The following TARS1 variants were observed in gnomAD, a reference collection of about 807,000 sequenced individuals.
TARS1 encodes threonine--tRNA ligase 1, cytoplasmic.
Under a neutral mutation model 97.7 loss-of-function variants are expected in TARS1, and 57 were observed. The observed-to-expected ratio is 0.58, with a 90% CI of 0.47 to 0.73. TARS1 has a LOEUF of 0.73. Ranked by LOEUF, TARS1 falls within the 30% of genes least tolerant of loss-of-function variation. The probability of loss-of-function intolerance (pLI) is 0.00; values close to 1 mark genes in which losing one functional copy is unlikely to be tolerated. For synonymous variants in TARS1, 312 were observed against 293.7 expected, an observed-to-expected ratio of 1.06 and a Z score of -0.64; for missense variants, 806 against 888.3, an observed-to-expected ratio of 0.91 and a Z score of 1.18.
intron 3 of TARS1, among the ~76,000 whole-genome samples, chr5:33,451,697 A>T (rs1741746482): frequency 1.3e-5 from 2 of 152,164 alleles, no homozygotes; most frequent in African/African-American, 4.8e-5. Context: ...CTTAAAGATT[A>T]TTTTACCCTT....
Position 33,462,158 on chromosome 5 carries a change from TG to T in TARS1, c.1792del (p.Glu598LysfsTer3). On this transcript the variant is annotated frameshift_variant, in exon 16 of 19. Transcript: ENST00000265112. LOFTEE classifies it high-confidence loss of function. ...VIVHRAILGSVERMIAILTEN... is the reference protein window; with the variant it reads ...VIVHRAILGSXERMIAILTEN... ...GTTCATCGAGCCATCTTGGGATCAGTGGAAAGAATGATTGCTATCCTCACAG... is the reference window on the plus strand; with the variant it reads ...GTTCATCGAGCCATCTTGGGATCAGTGAAAGAATGATTGCTATCCTCACAG... The T allele has an allele frequency of 6.2e-7, 1 of 1,613,060 alleles. No individual in the cohort carries two copies. The highest frequency in any genetic ancestry group is 8.5e-7 in the Non-Finnish European group (1 of 1,179,890).
intron 3 of TARS1, chr5:33,452,329 A>C (rs1238665518): frequency 6.5e-7 from 1 of 1,532,946 alleles, no homozygotes; most frequent in Non-Finnish European, 8.7e-7. Context: ...CACCTACTCA[A>C]CTCTGCTCTA....
intron 9 of TARS1, among the ~76,000 whole-genome samples, 197 bp from the exon 10 acceptor site, chr5:33,458,369 G>A (rs111989999): frequency 1.3e-3 from 191 of 152,276 alleles, no homozygotes; most frequent in African/African-American, 4.4e-3. Flanking sequence ...TGTGTTACAC[G>A]TCTGCCAAAT....
chr5:33,452,311 A>C, intron 3 of TARS1: 1 of 1,487,434 alleles, frequency 6.7e-7, no homozygotes. Context: ...TAGATGTATA[A>C]TCTGGCTCAC....
Position 33,455,591 on chromosome 5 carries a change from G to A in TARS1, c.580G>A (p.Val194Met). 6.3e-7 allele frequency: 1 copy of A among 1,598,674 alleles called. No individual in the cohort carries two copies. Among genetic ancestry groups the A allele is most frequent in the South Asian group, 1.1e-5 (1 of 89,440 alleles). ...YYDMYLEEGG[V>M]SSNDFSSLEA... ...TTATACTTTCTTCTCCTTCAGGGGT[G>A]TGTCTAGCAATGATTTCTCTTCTCT... Residue 194 changes from valine (V) to methionine (M), a missense_variant, in exon 6 of 19, where the codon GTG becomes ATG. Val to Met is a conservative substitution (Grantham distance 21, BLOSUM62 1). Coordinates refer to ENST00000265112, the MANE Select transcript of TARS1 (RefSeq NM_152295.5).
intron 9 of TARS1, among the ~76,000 whole-genome samples, chr5:33,457,802 A>G (rs1742101224): frequency 6.6e-6 from 1 of 152,248 alleles, no homozygotes; most frequent in Admixed American, 6.5e-5. Flanking sequence ...CATGTCGCAC[A>G]TGGATCCTGT....
intron 4 of TARS1, 143 bp from the exon 5 acceptor site, chr5:33,454,802 A>T: frequency 1.0e-6 from 1 of 998,888 alleles, no homozygotes; most frequent in Non-Finnish European, 1.4e-6. Context: ...TAGAAACAGT[A>T]GTTTATAGAT....
chr5:33,466,374 G>A (rs1251462887), intron 17 of TARS1, among the ~76,000 whole-genome samples: 4 of 151,840 alleles, frequency 2.6e-5, no homozygotes, highest in African/African-American at 7.3e-5. Flanking sequence ...AGGGACTAAT[G>A]CCTCTGATAA....
Position 33,445,374 on chromosome 5 carries a change from A to T in TARS1, c.108A>T (p.Lys36Asn). ...KQKEGGKKKN[K>N]EGSGDGGRAE... ...AGGAAGGAGGCAAAAAGAAGAACAA[A>T]GAAGGATCTGGAGATGGAGGTCGAG... Residue 36 changes from lysine (K) to asparagine (N), a missense_variant, in exon 2 of 19, where the codon AAA (lysine) becomes AAT (asparagine). Around this residue, in one of 3 missense-constraint regions of TARS1, gnomAD observed 356 missense variants for 357.8 expected, o/e 0.99. Transcript: ENST00000265112. 1.9e-6 allele frequency: 3 copies of T among 1,613,406 alleles called. No individual in the cohort carries two copies. Among genetic ancestry groups the T allele is most frequent in the Non-Finnish European group, 2.5e-6 (3 of 1,179,506 alleles).
At chr5:33,457,183 A>G (rs1561074846) in intron 8 of TARS1, 74 bp from the exon 9 acceptor site, 3 of 1,552,268 alleles carry the variant, frequency 1.9e-6, no homozygotes, top group African/African-American at 1.4e-5. Context: ...CAAGGCCTCA[A>G]AGCAATTGGG....
chr5:33,457,246 C>G lies in TARS1; in HGVS notation c.838-11C>G. The G allele has an allele frequency of 6.2e-7, 1 of 1,608,098 alleles. No homozygotes were observed. Among genetic ancestry groups the G allele is most frequent in the Non-Finnish European group, 8.5e-7 (1 of 1,177,260 alleles). On this transcript the variant is annotated splice_polypyrimidine_tract_variant and intron_variant, in intron 8 of 18. Transcript: ENST00000265112. ...TTTGAATGTTGTTTCATGGTTAATC[C>G]TTGTTTTCAGAATTCCTCCACGTAC...
Position 33,459,682 on chromosome 5 carries a change from T to G in TARS1, c.1084-13T>G. The G allele has an allele frequency of 3.1e-6, 5 of 1,613,660 alleles. No homozygotes were observed. The highest frequency in any genetic ancestry group is 4.2e-6 in the Non-Finnish European group (5 of 1,179,710). On this transcript the variant is annotated splice_polypyrimidine_tract_variant and intron_variant, in intron 10 of 18. Transcript: ENST00000265112. ...TTATTTGCCTACACATGTTTCTGTTTATTTTCTATCAGAGCGAATATAGGA... is the reference window on the plus strand; with the variant it reads ...TTATTTGCCTACACATGTTTCTGTTGATTTTCTATCAGAGCGAATATAGGA...
intron 11 of TARS1, 167 bp downstream of exon 11, chr5:33,460,028 CTTTTTTT>C: frequency 5.3e-6 from 2 of 379,730 alleles, no homozygotes; most frequent in South Asian, 1.3e-4. Flanking sequence ...TAGATCCCCA[CTTTTTTT>C]TTTTTTTTTT....
chr5:33,456,641 A>C (rs1742030164), intron 8 of TARS1, among the ~76,000 whole-genome samples: 1 of 152,238 alleles, frequency 6.6e-6, no homozygotes, highest in South Asian at 2.1e-4. Flanking sequence ...TTAAATCAAG[A>C]GAATAATTGA....
chr5:33,466,967 C>T lies in TARS1; in HGVS notation c.2005C>T (p.Gln669Ter), dbSNP rs757810230. Residue 669 changes from glutamine (Q) to a stop codon, truncating the protein, a stop_gained, in exon 18 of 19, where the codon CAG (glutamine) becomes TAG (stop). Transcript: ENST00000265112. LOFTEE classifies it low-confidence loss of function (END_TRUNC). Reference sequence around the variant, plus strand: ...AAAGATTCGAAATGCACAGTTAGCACAGTATAACTTCATTTTAGGTAAGAA... The same window carrying T: ...AAAGATTCGAAATGCACAGTTAGCATAGTATAACTTCATTTTAGGTAAGAA... ...NKKIRNAQLA[Q>*]YNFILVVGEK... The T allele has an allele frequency of 6.3e-7, 1 of 1,575,086 alleles. No individual in the cohort carries two copies. The highest frequency in any genetic ancestry group is 1.2e-5 in the South Asian group (1 of 84,740).
chr5:33,448,145 C>G (rs970027382), intron 2 of TARS1, among the ~76,000 whole-genome samples: 5 of 152,266 alleles, frequency 3.3e-5, no homozygotes, highest in Admixed American at 2.0e-4. Flanking sequence ...TATAGGCTGA[C>G]CCGCTGCACA....
intron 3 of TARS1, chr5:33,452,249 T>A (rs1387106657): frequency 1.0e-6 from 1 of 980,564 alleles, no homozygotes; most frequent in Non-Finnish European, 1.6e-6. Flanking sequence ...GTTGCCTACC[T>A]TCGTTGAGAT....
At chr5:33,449,061 A>G (rs1741571053) in intron 3 of TARS1, among the ~76,000 whole-genome samples, 1 of 152,204 alleles carries the variant, frequency 6.6e-6, no homozygotes, top group Non-Finnish European at 1.5e-5. Context: ...TGAAGTTAAA[A>G]ATGAAGCTAC....
At chr5:33,441,435 C>G (rs1283039632) in intron 1 of TARS1, 6 of 347,754 alleles carry the variant, frequency 1.7e-5, no homozygotes, top group Non-Finnish European at 2.7e-5. Flanking sequence ...TAGTTAGACG[C>G]GGAGACAGAA....
Sources: allele counts gnomAD v4.1 joint callset (sites outside exome capture counted in the v4.1 genomes callset), GRCh38; gene constraint gnomAD v4.1.1; regional missense constraint gnomAD v4.1.1; transcripts MANE v1.5; gene names NCBI Gene and HGNC (gene_info 2026-07-23, HGNC 2026-07-21).